SRPK1: variants seen among roughly 807,000 people sequenced by gnomAD.
SRPK1 encodes the protein SRSF protein kinase 1.
In SRPK1, 52 loss-of-function variants were observed where a neutral mutation model predicts 89.5. The observed-to-expected ratio is 0.58, with a 90% confidence interval of 0.46 to 0.73. The LOEUF (loss-of-function observed/expected upper bound fraction) is 0.73. Ranked by LOEUF, SRPK1 falls within the 30% of genes least tolerant of loss-of-function variation. SRPK1 has a pLI of 0.00. For synonymous variants in SRPK1, 255 were observed against 270.2 expected, an observed-to-expected ratio of 0.94 and a Z score of 0.55; for missense variants, 603 against 780.6, an observed-to-expected ratio of 0.77 and a Z score of 2.71.
At chr6:35,858,747 A>C (rs1197468177) in intron 12 of SRPK1, among the ~76,000 whole-genome samples, 2 of 152,192 alleles carry the variant, frequency 1.3e-5, no homozygotes, top group African/African-American at 4.8e-5. Flanking sequence ...ATAAACCAAG[A>C]AAGATAGGAG....
intron 2 of SRPK1, among the ~76,000 whole-genome samples, chr6:35,909,812 C>T (rs1374244868): frequency 1.3e-5 from 2 of 152,134 alleles, no homozygotes; most frequent in Non-Finnish European, 2.9e-5. Context: ...AAGAAGATGC[C>T]TGCTTCCCCT....
chr6:35,878,143 A>T (rs1352515837), intron 6 of SRPK1, among the ~76,000 whole-genome samples: 2 of 152,212 alleles, frequency 1.3e-5, no homozygotes, highest in Non-Finnish European at 2.9e-5. Context: ...AACAAATCAT[A>T]AAGGTAAAGA....
intron 13 of SRPK1, 46 bp from the exon 14 acceptor site, chr6:35,842,650 G>A (rs1769336281): frequency 3.4e-6 from 5 of 1,491,588 alleles, no homozygotes; most frequent in Non-Finnish European, 3.6e-6. Flanking sequence ...AAGAAAAGAA[G>A]GCCTTTGGAA....
At chr6:35,885,984 C>A (rs763384549) in intron 6 of SRPK1, among the ~76,000 whole-genome samples, 10 of 152,102 alleles carry the variant, frequency 6.6e-5, no homozygotes, top group Non-Finnish European at 1.5e-4. Flanking sequence ...AAAGTTGAGG[C>A]TTAGTATAAT....
chr6:35,863,824 G>C (rs763062860), intron 12 of SRPK1, among the ~76,000 whole-genome samples: 21 of 150,952 alleles, frequency 1.4e-4, no homozygotes, highest in Non-Finnish European at 2.4e-4. Context: ...AAACTCACCA[G>C]TAACAGTAAG....
chr6:35,881,486 A>C (rs554077079), intron 6 of SRPK1, among the ~76,000 whole-genome samples: 3 of 147,918 alleles, frequency 2.0e-5, no homozygotes, highest in Non-Finnish European at 3.0e-5. Context: ...TATAGATCCA[A>C]CTATATGCTG....
chr6:35,872,025 C>A (rs1210371671), intron 8 of SRPK1, among the ~76,000 whole-genome samples: 1 of 152,178 alleles, frequency 6.6e-6, no homozygotes, highest in Non-Finnish European at 1.5e-5. Context: ...CAGGCATGAG[C>A]CACTGTGCCT....
At chr6:35,897,717 A>G (rs1273835419) in intron 2 of SRPK1, among the ~76,000 whole-genome samples, 1 of 152,098 alleles carries the variant, frequency 6.6e-6, no homozygotes, top group Non-Finnish European at 1.5e-5. Flanking sequence ...TCACTATGTT[A>G]CCCAGACAAG....
intron 6 of SRPK1, among the ~76,000 whole-genome samples, chr6:35,876,085 T>TAAAAAAAAAAAAAAAAAAAAAAAAAAA (rs34493292): frequency 1.3e-5 from 1 of 77,646 alleles, no homozygotes. Flanking sequence ...ATTCTTAAAT[T>TAAAAAAAAAAAAAAAAAAAAAAAAAAA]AAAAAAAAAA....
At chr6:35,841,559 C>T (rs892215403) in intron 14 of SRPK1, among the ~76,000 whole-genome samples, 3 of 152,108 alleles carry the variant, frequency 2.0e-5, no homozygotes, top group Admixed American at 6.5e-5. Flanking sequence ...CTTGGCTGAG[C>T]GTGATGGCTC....
At chr6:35,873,046 AG>A in intron 7 of SRPK1, among the ~76,000 whole-genome samples, 1 of 152,342 alleles carries the variant, frequency 6.6e-6, no homozygotes, top group East Asian at 1.9e-4. Flanking sequence ...GTTGTAATGT[AG>A]GTGCTGACAG....
intron 2 of SRPK1, among the ~76,000 whole-genome samples, chr6:35,892,765 T>C (rs976636512): frequency 1.3e-5 from 2 of 152,236 alleles, no homozygotes; most frequent in East Asian, 1.9e-4. Flanking sequence ...GGAAAATACA[T>C]CTTAATTTTA....
Position 35,870,933 on chromosome 6 carries a change from C to T in SRPK1, c.777+1G>A. ...TAAATATAAAAACACCTTATACTTA[C>T]TGGTTTAGGCTGGGGAGCAGTACTG... On this transcript the variant is annotated splice_donor_variant, in intron 9 of 15. Transcript: ENST00000373825. LOFTEE classifies it high-confidence loss of function. 2 of 1,606,350 alleles carry T rather than the reference C, an allele frequency of 1.2e-6. No individual in the cohort carries two copies. The highest frequency in any genetic ancestry group is 1.7e-6 in the Non-Finnish European group (2 of 1,175,374).
intron 14 of SRPK1, among the ~76,000 whole-genome samples, chr6:35,840,838 C>A (rs1259727461): frequency 6.6e-6 from 1 of 151,974 alleles, no homozygotes; most frequent in Non-Finnish European, 1.5e-5. Context: ...TGATGTTTGA[C>A]CTAAGGACTA....
At chr6:35,836,189 C>A (rs1769174810) in intron 15 of SRPK1, among the ~76,000 whole-genome samples, 1 of 152,114 alleles carries the variant, frequency 6.6e-6, no homozygotes, top group South Asian at 2.1e-4. Context: ...AGCGTGAATC[C>A]TACTGTGAAC....
chr6:35,847,853 G>A (rs1769458618), intron 13 of SRPK1, among the ~76,000 whole-genome samples: 1 of 151,288 alleles, frequency 6.6e-6, no homozygotes, highest in South Asian at 2.1e-4. Flanking sequence ...TTTGAGAGAG[G>A]GTCTTGCTCT....
intron 5 of SRPK1, 55 bp downstream of exon 5, chr6:35,887,969 T>C (rs1770444689): frequency 1.5e-6 from 2 of 1,305,728 alleles, no homozygotes; most frequent in Non-Finnish European, 2.1e-6. Flanking sequence ...TTTTATTCAA[T>C]GAAACTTGAT....
intron 2 of SRPK1, among the ~76,000 whole-genome samples, chr6:35,903,534 C>T (rs1355721758): frequency 6.6e-6 from 1 of 151,700 alleles, no homozygotes; most frequent in African/African-American, 2.4e-5. Flanking sequence ...AATCACAACA[C>T]TATCCCCAAA....
intron 6 of SRPK1, among the ~76,000 whole-genome samples, chr6:35,884,688 C>T (rs1403325896): frequency 6.6e-6 from 1 of 152,042 alleles, no homozygotes; most frequent in Non-Finnish European, 1.5e-5. Context: ...TACAGAGAAA[C>T]CACCTAGCAA....
Sources: gnomAD v4.1 joint callset for allele counts (sites outside exome capture counted in the v4.1 genomes callset) on GRCh38, gnomAD v4.1.1 for gene constraint, MANE v1.5 for transcripts, NCBI Gene and HGNC (gene_info 2026-07-23, HGNC 2026-07-21) for gene names.